CCM2: variants seen among roughly 807,000 people sequenced by gnomAD.
CCM2 encodes CCM2 scaffold protein.
In CCM2, 25 loss-of-function variants were observed where a neutral mutation model predicts 44.9. That is an observed-to-expected ratio of 0.56 (90% CI 0.41 to 0.78). The LOEUF (loss-of-function observed/expected upper bound fraction) is 0.78. Among genes scored for constraint, CCM2 ranks in the 30% least tolerant of loss-of-function variants. The pLI is 0.00. For synonymous variants in CCM2, 219 were observed against 241.1 expected (o/e 0.91, Z 0.85); for missense variants, 481 against 580.6 (o/e 0.83, Z 1.76).
intron 2 of CCM2, among the ~76,000 whole-genome samples, chr7:45,040,647 C>T (rs1304868416): frequency 6.6e-6 from 1 of 152,172 alleles, no homozygotes; most frequent in East Asian, 1.9e-4. Flanking sequence ...AACCTCAACT[C>T]ACAGAAGCCT....
chr7:45,001,510 C>G (rs1376244387), intron 1 of CCM2, among the ~76,000 whole-genome samples: 1 of 152,206 alleles, frequency 6.6e-6, no homozygotes, highest in African/African-American at 2.4e-5. Flanking sequence ...AGGTGCTAAC[C>G]CGGTGGCTGC....
rs556828318 is a variant in CCM2, at chr7:45,070,626, T to G, written c.745+665T>G. ...TTCAGATGTATTACTTATTGAGGAT[T>G]AATGGGTTATATAAATTGAGGTGCA... is the stretch of plus-strand genomic sequence containing the variant. On this transcript the variant is annotated intron_variant, in intron 6 of 9. Coordinates refer to ENST00000258781, the MANE Select transcript of CCM2 (RefSeq NM_031443.4). The G allele has an allele frequency of 9.0e-6, 3 of 332,678 alleles. No individual in the cohort carries two copies. In the Admixed American group the frequency reaches 1.1e-4, roughly 12 times the overall value. The allele number at this position is 332,678 out of a possible 1,614,324, so 20.6% of individuals were successfully genotyped here. A position where few individuals can be genotyped will look rare whatever the true frequency, so the allele number is the denominator to read the frequency against.
At chr7:45,016,618 T>C (rs1796276252) in intron 1 of CCM2, among the ~76,000 whole-genome samples, 1 of 148,630 alleles carries the variant, frequency 6.7e-6, no homozygotes, top group Non-Finnish European at 1.5e-5. Flanking sequence ...CATGAGCCAC[T>C]GTGCCTGGCC....
chr7:45,059,307 G>T (rs531820125), intron 2 of CCM2, among the ~76,000 whole-genome samples: 1 of 151,986 alleles, frequency 6.6e-6, no homozygotes, highest in East Asian at 1.9e-4. Flanking sequence ...TTTTGGCCAG[G>T]CATGGTGGCT....
At position 45,073,441 on chromosome 7, in the gene CCM2, A is replaced by T. The variant is rs1369582901; in HGVS notation, c.804-19A>T. 6.3e-7 allele frequency: 1 copy of T among 1,598,080 alleles called. No homozygotes were observed. Among genetic ancestry groups the T allele is most frequent in the African/African-American group, 1.3e-5 (1 of 74,686 alleles). On this transcript the variant is annotated intron_variant, in intron 7 of 9. Coordinates refer to ENST00000258781, the MANE Select transcript of CCM2 (RefSeq NM_031443.4). ...AGGGTCGGGGAAGCCACCCGCTCAC[A>T]TACCACATTCTTTCGCAGCTGCTTC...
chr7:45,020,032 T>A (rs1796423180), intron 1 of CCM2, among the ~76,000 whole-genome samples: 1 of 152,182 alleles, frequency 6.6e-6, no homozygotes, highest in South Asian at 2.1e-4. Context: ...TTTCCTATAT[T>A]TCCCTCTCAA....
intron 1 of CCM2, among the ~76,000 whole-genome samples, chr7:45,017,595 C>T (rs563705847): frequency 2.2e-4 from 33 of 152,304 alleles, no homozygotes; most frequent in Admixed American, 5.9e-4. Context: ...TTACCTGGCA[C>T]GGTCGTAGGT....
At chr7:45,045,651 C>T (rs922712819) in intron 2 of CCM2, among the ~76,000 whole-genome samples, 49 of 152,046 alleles carry the variant, frequency 3.2e-4, no homozygotes, top group Non-Finnish European at 1.3e-4. Context: ...ATTAGCCGGA[C>T]GTGGTGGCGG....
chr7:45,025,933 C>G (rs1033524010), intron 1 of CCM2, among the ~76,000 whole-genome samples: 7 of 152,170 alleles, frequency 4.6e-5, no homozygotes, highest in Non-Finnish European at 2.9e-5. Context: ...CTGTGCCTGT[C>G]TCTTCCCATT....
At chr7:45,032,121 G>A (rs1439236885) in intron 1 of CCM2, among the ~76,000 whole-genome samples, 1 of 152,154 alleles carries the variant, frequency 6.6e-6, no homozygotes, top group Non-Finnish European at 1.5e-5. Context: ...CAGCAGATGT[G>A]CAAAGATGCA....
At chr7:45,000,460 G>GGT (rs1554353559) in intron 1 of CCM2, 97 bp downstream of exon 1, 4 of 307,316 alleles carry the variant, frequency 1.3e-5, no homozygotes, top group Non-Finnish European at 2.1e-5. Flanking sequence ...GGCCCGGGGG[G>GGT]GGGGGCAGTG....
chr7:45,008,847 C>T (rs578160315), intron 1 of CCM2, among the ~76,000 whole-genome samples: 101 of 152,238 alleles, frequency 6.6e-4, no homozygotes, highest in African/African-American at 2.2e-3. Context: ...TAGACAATAA[C>T]CATAGCCCAC....
At position 45,073,478 on chromosome 7, in the gene CCM2, G is replaced by A; in HGVS notation, c.822G>A (p.Val274=). The stretch of plus-strand genomic sequence containing the variant: ...TTCGCAGCTGCTTCCCTGAATCTGT[G>A]GATGTGGGTGGTGCATCACCCCACA... ...EASTFCFPES[V]DVGGASPHSK... Residue 274 remains valine, a synonymous_variant, in exon 8 of 10, where the codon GTG becomes GTA. Coordinates refer to ENST00000258781, the MANE Select transcript of CCM2 (RefSeq NM_031443.4). The A allele has an allele frequency of 6.2e-7, 1 of 1,613,438 alleles. No individual in the cohort carries two copies. The highest frequency in any genetic ancestry group is 8.5e-7 in the Non-Finnish European group (1 of 1,179,900).
chr7:45,043,804 G>A, intron 2 of CCM2: 1 of 346,260 alleles, frequency 2.9e-6, no homozygotes, highest in South Asian at 2.2e-5. Context: ...ATGCCTTCTG[G>A]GAATGTTTCA....
intron 1 of CCM2, among the ~76,000 whole-genome samples, chr7:45,019,879 G>A (rs1176527798): frequency 6.6e-6 from 1 of 152,180 alleles, no homozygotes; most frequent in Non-Finnish European, 1.5e-5. Flanking sequence ...CCAGCCATCA[G>A]CTTGCTCCTT....
chr7:45,069,910 G>A lies in CCM2; in HGVS notation c.694G>A (p.Ala232Thr). 6.2e-7 allele frequency: 1 copy of A among 1,614,186 alleles called. No homozygotes were observed. Among genetic ancestry groups the A allele is most frequent in the Non-Finnish European group, 8.5e-7 (1 of 1,180,036 alleles). The part of the protein sequence containing the change: ...TESTIDFLDR[A>T]IFDGASTPTH... ...GTCCACCATCGACTTTCTGGACAGA[G>A]CGATATTTGATGGGGCCTCTACCCC... The change falls in exon 6 of 10, where the codon GCG becomes ACG. Residue 232 changes from alanine (A) to threonine (T), a missense_variant. Physicochemically the swap from Ala to Thr is moderately conservative, Grantham distance 58. Coordinates refer to ENST00000258781, the MANE Select transcript of CCM2 (RefSeq NM_031443.4).
In CCM2 at chr7:45,069,155, A is replaced by G. The variant is rs1798931395; in HGVS notation, c.609+576A>G. 2.6e-5 allele frequency among the ~76,000 whole-genome samples: 4 copies of G among 152,272 alleles called. No individual in the cohort carries two copies. The South Asian group carries it at 8.3e-4, about 32-fold the overall frequency. ...CACTTAACACCTTTGTTTAATTTCC[A>G]TATCTGTAAAATGGATGCTAGTGAC... On this transcript the variant is annotated intron_variant, in intron 5 of 9. Transcript: ENST00000258781.
chr7:45,010,075 A>G (rs1238435124), intron 1 of CCM2, among the ~76,000 whole-genome samples: 2 of 152,032 alleles, frequency 1.3e-5, no homozygotes, highest in African/African-American at 4.8e-5. Context: ...ATGCCCAGCT[A>G]ATTTTTTTTA....
intron 7 of CCM2, 26 bp from the exon 8 acceptor site, chr7:45,073,434 C>G: frequency 6.4e-7 from 1 of 1,571,054 alleles, no homozygotes; most frequent in Non-Finnish European, 8.8e-7. Context: ...GGAAGCCACC[C>G]GCTCACATAC....
Sources: gnomAD v4.1 joint callset for allele counts (sites outside exome capture counted in the v4.1 genomes callset) on GRCh38, gnomAD v4.1.1 for gene constraint, MANE v1.5 for transcripts, NCBI Gene and HGNC (gene_info 2026-07-23, HGNC 2026-07-21) for gene names.